Variants in DROSHA observed in about 807,000 individuals in gnomAD.
DROSHA encodes the protein drosha ribonuclease III.
In DROSHA, 56 loss-of-function variants were observed where a neutral mutation model predicts 181.9. The ratio of observed to expected loss-of-function variants is 0.31; its 90% CI spans 0.25 to 0.38. DROSHA has a LOEUF of 0.38. DROSHA is among the 10% of genes least tolerant of loss of function. The pLI, the probability that DROSHA is intolerant of heterozygous loss-of-function variation, is 1.00. For missense variants in DROSHA, 1,218 were observed against 1,743.5 expected (o/e 0.70, Z 5.37); for synonymous variants, 524 against 591.2 (o/e 0.89, Z 1.65).
intron 35 of DROSHA, among the ~76,000 whole-genome samples, chr5:31,401,924 A>C (rs1740052666): frequency 6.6e-6 from 1 of 152,200 alleles, no homozygotes; most frequent in South Asian, 2.1e-4. Flanking sequence ...GGAGAGATGA[A>C]AGGATACAGT....
chr5:31,491,458 G>A (rs1420231237), intron 13 of DROSHA, among the ~76,000 whole-genome samples: 12 of 152,154 alleles, frequency 7.9e-5, no homozygotes, highest in Non-Finnish European at 1.5e-5. Flanking sequence ...AAGCCACACT[G>A]CTATCCTTCT....
At chr5:31,461,496 A>C (rs1318892464) in intron 20 of DROSHA, among the ~76,000 whole-genome samples, 1 of 152,206 alleles carries the variant, frequency 6.6e-6, no homozygotes, top group Non-Finnish European at 1.5e-5. Context: ...ACAGACTAAG[A>C]GAAAGCTCAG....
intron 23 of DROSHA, among the ~76,000 whole-genome samples, chr5:31,445,677 A>C (rs78244230): frequency 6.9e-5 from 2 of 28,800 alleles, no homozygotes; most frequent in Non-Finnish European, 1.9e-4. Context: ...AAAAGAATAA[A>C]ATGACATGAT....
intron 15 of DROSHA, 84 bp downstream of exon 15, chr5:31,484,796 TC>T: frequency 1.1e-6 from 1 of 928,494 alleles, no homozygotes; most frequent in Middle Eastern, 2.8e-4. Context: ...TTCAACTATC[TC>T]CCTACAACTT....
Position 31,526,896 on chromosome 5 carries a change from G to A in DROSHA, c.37C>T (p.His13Tyr), listed in dbSNP as rs561496126. The stretch of plus-strand genomic sequence containing the variant: ...CCTCGGGGACACCCTCGTCCCGGGT[G>A]GAACGACATTCTGTGACTTCATGGC... ...QGNTCHRMSF[H>Y]PGRGCPRGRG... Residue 13 changes from histidine (H) to tyrosine (Y), a missense_variant, in exon 5 of 36, where the codon CAC becomes TAC. By Grantham distance (83) the His-to-Tyr change is moderately conservative. Transcript: ENST00000344624. The A allele has an allele frequency of 6.2e-7, 1 of 1,612,726 alleles. No homozygotes were observed. Among genetic ancestry groups the A allele is most frequent in the South Asian group, 1.1e-5 (1 of 90,992 alleles).
chr5:31,530,956 C>T, intron 2 of DROSHA, 32 bp from the exon 3 acceptor site: 1 of 398,100 alleles, frequency 2.5e-6, no homozygotes, highest in Non-Finnish European at 4.4e-6. Context: ...TAAATGTTTA[C>T]TCTCTCACCA....
chr5:31,451,291 T>A (rs1200229772), intron 21 of DROSHA, among the ~76,000 whole-genome samples: 1 of 152,172 alleles, frequency 6.6e-6, no homozygotes, highest in Non-Finnish European at 1.5e-5. Flanking sequence ...AAAGTCGGAA[T>A]AAGGTACTCA....
At chr5:31,504,712 C>T (rs919309286) in intron 10 of DROSHA, 77 bp from the exon 11 acceptor site, 16 of 1,496,116 alleles carry the variant, frequency 1.1e-5, no homozygotes, top group South Asian at 7.0e-5. Flanking sequence ...TCCGAAAATG[C>T]GTGGGTTTTA....
intron 3 of DROSHA, among the ~76,000 whole-genome samples, chr5:31,529,338 A>G (rs985070006): frequency 6.6e-6 from 1 of 152,204 alleles, no homozygotes; most frequent in African/African-American, 2.4e-5. Context: ...ATCAGCAGCT[A>G]AAAAGACTTA....
At chr5:31,529,327 T>C (rs925170561) in intron 3 of DROSHA, among the ~76,000 whole-genome samples, 2 of 152,216 alleles carry the variant, frequency 1.3e-5, no homozygotes, top group Non-Finnish European at 2.9e-5. Context: ...AACTCAAAAC[T>C]ATCAGCAGCT....
At chr5:31,496,984 C>T (rs565720720) in intron 11 of DROSHA, among the ~76,000 whole-genome samples, 1 of 152,342 alleles carries the variant, frequency 6.6e-6, no homozygotes, top group South Asian at 2.1e-4. Context: ...GTGACAGCCA[C>T]TGTCCTAACC....
At chr5:31,416,047 A>G (rs1232439862) in intron 30 of DROSHA, among the ~76,000 whole-genome samples, 2 of 151,554 alleles carry the variant, frequency 1.3e-5, no homozygotes, top group African/African-American at 4.9e-5. Context: ...CCCCATCAGC[A>G]TTCAAAACTT....
rs749279696 is a variant in DROSHA at position 31,466,132 on chromosome 5, A to G, written c.2466+50T>C. The G allele has an allele frequency of 3.8e-5, 59 of 1,569,216 alleles. No individual in the cohort carries two copies. In the African/African-American group the frequency reaches 7.4e-4, roughly 20 times the overall value. ...GTGTGATACAACAATCACGAAATAA[A>G]CCTGAAGCACATCATCGTTAATCAC... is the stretch of plus-strand genomic sequence containing the variant. On this transcript the variant is annotated intron_variant, in intron 19 of 35. Coordinates refer to ENST00000344624, the MANE Select transcript of DROSHA (RefSeq NM_001382508.1).
Position 31,410,797 on chromosome 5 carries a change from T to G in DROSHA, c.3616A>C (p.Thr1206Pro). The G allele has an allele frequency of 3.1e-6, 5 of 1,613,992 alleles. No homozygotes were observed. Among genetic ancestry groups the G allele is most frequent in the Non-Finnish European group, 4.2e-6 (5 of 1,179,850 alleles). ...MQEYAITNDK[T>P]KRPVALRTKT... The stretch of plus-strand genomic sequence containing the variant: ...GTGCGAAGCGCCACAGGCCTCTTGG[T>G]CTTGTCGTTGGTTATGGCGTACTCC... The change falls in exon 31 of 36, where the codon ACC (threonine) becomes CCC (proline). Residue 1206 changes from threonine to proline, a missense_variant. Around this residue, in one of 8 missense-constraint regions of DROSHA, gnomAD observed 47 missense variants for 70.6 expected, o/e 0.67. Coordinates refer to ENST00000344624, the MANE Select transcript of DROSHA (RefSeq NM_001382508.1).
Position 31,436,741 on chromosome 5 carries a change from A to AACAC in DROSHA, c.2942+494_2942+497dup, listed in dbSNP as rs58046266. Among the ~76,000 whole-genome samples the AACAC allele has an allele frequency of 3.2e-3, 442 of 137,784 alleles. 2 individuals carry two copies. Among genetic ancestry groups the AACAC allele is most frequent in the Non-Finnish European group, 4.5e-3 (292 of 64,262 alleles). 90.4% of individuals were successfully genotyped at this position (137,784 alleles called of 152,430 possible). A position where few individuals can be genotyped will look rare whatever the true frequency, so the allele number is the denominator to read the frequency against. ...GGATCCTAAAACACTTCTGGAGAGA[A>AACAC]ACACACACACACACACACACACACA... On this transcript the variant is annotated intron_variant, in intron 24 of 35. Coordinates refer to ENST00000344624, the MANE Select transcript of DROSHA (RefSeq NM_001382508.1).
At position 31,449,434 on chromosome 5, in the gene DROSHA, A is replaced by C. The variant is rs2150014137; in HGVS notation, c.2683-15T>G. ...GTCATGGCCAGCTAAAATTTCAATG[A>C]AATAAGTTCAGTCTTTAAAACAGCA... is the stretch of plus-strand genomic sequence containing the variant. On this transcript the variant is annotated splice_polypyrimidine_tract_variant and intron_variant, in intron 21 of 35. Transcript: ENST00000344624. 6.4e-7 allele frequency: 1 copy of C among 1,553,528 alleles called. No homozygotes were observed. The highest frequency in any genetic ancestry group is 1.2e-5 in the South Asian group (1 of 84,422).
At chr5:31,446,676 T>TA (rs35657251) in intron 23 of DROSHA, among the ~76,000 whole-genome samples, 38,677 of 127,836 alleles carry the variant, frequency 0.3, 5,906 homozygotes, top group East Asian at 0.55. Context: ...TGTCTCTATT[T>TA]AAAAAAAAAA....
chr5:31,469,231 C>T (rs1017179862), intron 17 of DROSHA, among the ~76,000 whole-genome samples: 1 of 152,162 alleles, frequency 6.6e-6, no homozygotes, highest in Non-Finnish European at 1.5e-5. Flanking sequence ...GTGGCGCACA[C>T]CTGTAGTCCC....
intron 20 of DROSHA, among the ~76,000 whole-genome samples, chr5:31,460,807 T>G (rs1391671391): frequency 6.6e-6 from 1 of 152,192 alleles, no homozygotes; most frequent in African/African-American, 2.4e-5. Flanking sequence ...TGCATTATGA[T>G]ATGCCACCAG....
Sources: gnomAD v4.1 joint callset for allele counts (sites outside exome capture counted in the v4.1 genomes callset) on GRCh38, gnomAD v4.1.1 for gene constraint, gnomAD v4.1.1 regional missense constraint, MANE v1.5 for transcripts, NCBI Gene and HGNC (gene_info 2026-07-23, HGNC 2026-07-21) for gene names.